TMTC1: variants seen among roughly 807,000 people sequenced by gnomAD.
TMTC1 encodes the protein transmembrane O-mannosyltransferase targeting cadherins 1.
Under a neutral mutation model 104.8 loss-of-function variants are expected in TMTC1, and 73 were observed. The ratio of observed to expected loss-of-function variants is 0.70; its 90% CI spans 0.58 to 0.85. TMTC1 has a LOEUF of 0.85. Among genes scored for constraint, TMTC1 ranks in the 40% least tolerant of loss-of-function variants. TMTC1 has a pLI of 0.00. For synonymous variants in TMTC1, 434 were observed against 428.7 expected (o/e 1.01, Z -0.15); for missense variants, 1,035 against 1,096.1 (o/e 0.94, Z 0.79).
intron 5 of TMTC1, among the ~76,000 whole-genome samples, chr12:29,722,257 A>C (rs1942256329): frequency 6.6e-6 from 1 of 152,158 alleles, no homozygotes; most frequent in Admixed American, 6.5e-5. Flanking sequence ...AATACATGAA[A>C]CTTTTATAAA....
At chr12:29,507,338 T>C (rs1445218026) in intron 17 of TMTC1, among the ~76,000 whole-genome samples, 1 of 152,118 alleles carries the variant, frequency 6.6e-6, no homozygotes, top group Non-Finnish European at 1.5e-5. Context: ...ACAAAATTCA[T>C]GTTAGGGGAA....
At position 29,723,357 on chromosome 12, in the gene TMTC1, T is replaced by A. The variant is rs143821644; in HGVS notation, c.938+28309A>T. ...ACCTACAAAGCAGTTATTATGACAG[T>A]TATTTAAATTGTTTTAAGGCTACAA... On this transcript the variant is annotated intron_variant, in intron 5 of 17. Coordinates refer to ENST00000539277, the MANE Select transcript of TMTC1 (RefSeq NM_001193451.2). Among the ~76,000 whole-genome samples, 11 of 152,290 alleles carry A rather than the reference T, an allele frequency of 7.2e-5. 1 individual carries two copies. The highest frequency in any genetic ancestry group is 2.4e-4 in the African/African-American group (10 of 41,566).
intron 17 of TMTC1, among the ~76,000 whole-genome samples, chr12:29,507,318 G>A (rs2136124057): frequency 6.6e-6 from 1 of 152,230 alleles, no homozygotes; most frequent in African/African-American, 2.4e-5. Flanking sequence ...TTGTAAAATG[G>A]AACCATGGCA....
chr12:29,555,680 T>A (rs555554952), intron 10 of TMTC1, among the ~76,000 whole-genome samples: 3 of 152,324 alleles, frequency 2.0e-5, no homozygotes, highest in African/African-American at 7.2e-5. Flanking sequence ...CTGCATAGTA[T>A]TCCATGGTGT....
chr12:29,560,241 C>A (rs1415269971), intron 9 of TMTC1, among the ~76,000 whole-genome samples: 1 of 152,186 alleles, frequency 6.6e-6, no homozygotes, highest in Non-Finnish European at 1.5e-5. Context: ...AACAAAAGAT[C>A]TGCTGAACTG....
chr12:29,651,273 C>A (rs1012055892), intron 5 of TMTC1, among the ~76,000 whole-genome samples: 3 of 152,076 alleles, frequency 2.0e-5, no homozygotes, highest in Admixed American at 6.6e-5. Flanking sequence ...ATATAGTATG[C>A]TGAAATAATG....
chr12:29,532,804 A>G (rs950619639), intron 11 of TMTC1: 2 of 151,956 alleles, frequency 1.3e-5, no homozygotes, highest in African/African-American at 4.8e-5. Flanking sequence ...CACTCATCTT[A>G]TTTCTTTCCT....
chr12:29,628,807 G>A (rs113854310), intron 6 of TMTC1, among the ~76,000 whole-genome samples: 2,252 of 151,912 alleles, frequency 0.015, 62 homozygotes, highest in African/African-American at 0.05. Flanking sequence ...AAGTACAGGC[G>A]CACACCACTA....
At chr12:29,755,505 C>A (rs1465543101) in intron 4 of TMTC1, among the ~76,000 whole-genome samples, 4 of 152,214 alleles carry the variant, frequency 2.6e-5, no homozygotes. Flanking sequence ...ATAGTCCTCA[C>A]TGATTTATAC....
intron 5 of TMTC1, among the ~76,000 whole-genome samples, chr12:29,664,143 C>T (rs1049411047): frequency 6.7e-5 from 10 of 150,068 alleles, no homozygotes; most frequent in East Asian, 2.0e-4. Flanking sequence ...GCCGAGATCC[C>T]GCCACTGCAC....
In TMTC1 at chr12:29,721,771, G is replaced by A. The variant is rs188241686; in HGVS notation, c.938+29895C>T. Reference sequence around the variant, plus strand: ...GAAAAACTATTGACAACCCTAAAAAGCTTTTATGTATATAGGTTATTTCTG... The same window carrying A: ...GAAAAACTATTGACAACCCTAAAAAACTTTTATGTATATAGGTTATTTCTG... On this transcript the variant is annotated intron_variant, in intron 5 of 17. Transcript: ENST00000539277. Among the ~76,000 whole-genome samples the A allele has an allele frequency of 7.0e-4, 107 of 151,780 alleles. 1 individual carries two copies. Among genetic ancestry groups the A allele is most frequent in the Admixed American group, 1.6e-3 (25 of 15,262 alleles).
At chr12:29,763,925 A>G (rs1209011395) in intron 2 of TMTC1, among the ~76,000 whole-genome samples, 2 of 152,332 alleles carry the variant, frequency 1.3e-5, no homozygotes, top group African/African-American at 4.8e-5. Flanking sequence ...TAAAGAAGTG[A>G]GGAGGGGCAA....
At chr12:29,588,612 C>T (rs1385752365) in intron 7 of TMTC1, among the ~76,000 whole-genome samples, 2 of 152,176 alleles carry the variant, frequency 1.3e-5, no homozygotes, top group African/African-American at 4.8e-5. Context: ...TTGTGGAATT[C>T]ACATGGGTAG....
In TMTC1 at chr12:29,514,728, A is replaced by ACAATT. The variant is rs534093128; in HGVS notation, c.2308-129_2308-125dup. Reference sequence around the variant, plus strand: ...AGGTATGGTATGTGACAATCAAAGTACAATTCTTGGTCAGGCGTAGTGGCT... The same window carrying ACAATT: ...AGGTATGGTATGTGACAATCAAAGTACAATTCAATTCTTGGTCAGGCGTAGTGGCT... On this transcript the variant is annotated intron_variant, in intron 15 of 17. Transcript: ENST00000539277. 7.7e-5 allele frequency: 83 copies of ACAATT among 1,081,622 alleles called. No individual in the cohort carries two copies. The African/African-American group carries it at 1.2e-3, about 16-fold the overall frequency. The allele number at this position is 1,081,622 out of a possible 1,614,324, so 67.0% of individuals were successfully genotyped here.
chr12:29,536,660 T>C (rs943796896), intron 10 of TMTC1, among the ~76,000 whole-genome samples: 8 of 152,082 alleles, frequency 5.3e-5, no homozygotes, highest in South Asian at 2.1e-4. Flanking sequence ...TTGGGGGAAA[T>C]TGGGTGGCAT....
chr12:29,704,698 A>T lies in TMTC1; in HGVS notation c.938+46968T>A, dbSNP rs191741467. On this transcript the variant is annotated intron_variant, in intron 5 of 17. Coordinates refer to ENST00000539277, the MANE Select transcript of TMTC1 (RefSeq NM_001193451.2). ...GGCAAAAGTGGAGGAAAATGAAGCC[A>T]AAAAGGAATATAACACCTTGAAGAG... Among the ~76,000 whole-genome samples, 553 of 152,336 alleles carry T rather than the reference A, an allele frequency of 3.6e-3. 11 individuals carry two copies. The highest frequency in any genetic ancestry group is 0.033 in the Admixed American group (498 of 15,296).
At chr12:29,699,785 G>A (rs1004564003) in intron 5 of TMTC1, among the ~76,000 whole-genome samples, 3 of 150,194 alleles carry the variant, frequency 2.0e-5, no homozygotes, top group Non-Finnish European at 3.0e-5. Context: ...GACTACAGGC[G>A]CACACCAACA....
intron 10 of TMTC1, among the ~76,000 whole-genome samples, chr12:29,555,101 T>C (rs1166913806): frequency 4.0e-5 from 6 of 150,824 alleles, no homozygotes; most frequent in Non-Finnish European, 7.4e-5. Context: ...TGCTTCACAA[T>C]CTATAAAGGG....
At chr12:29,615,921 G>A (rs1946965403) in intron 6 of TMTC1, among the ~76,000 whole-genome samples, 1 of 152,112 alleles carries the variant, frequency 6.6e-6, no homozygotes, top group African/African-American at 2.4e-5. Context: ...AACTCTCAAG[G>A]TCCAGTGACC....
Sources: allele counts gnomAD v4.1 joint callset (sites outside exome capture counted in the v4.1 genomes callset), GRCh38; gene constraint gnomAD v4.1.1; transcripts MANE v1.5; gene names NCBI Gene and HGNC (gene_info 2026-07-23, HGNC 2026-07-21).